The following ROBO2 variants were observed in gnomAD, a reference collection of about 807,000 sequenced individuals.
The protein encoded by ROBO2 is roundabout homolog 2.
A neutral mutation model predicts 160.8 loss-of-function variants in ROBO2; 53 were observed. That is an observed-to-expected ratio of 0.33 (90% CI 0.26 to 0.41). The LOEUF is 0.41. Among genes scored for constraint, ROBO2 ranks in the 10% least tolerant of loss-of-function variants. ROBO2 has a pLI of 1.00. For missense variants in ROBO2, 1,577 were observed against 1,722.4 expected, an observed-to-expected ratio of 0.92 and a Z score of 1.49; for synonymous variants, 664 against 611.7, an observed-to-expected ratio of 1.09 and a Z score of -1.26.
At chr3:77,254,249 G>A (rs2090688579) in intron 2 of ROBO2, among the ~76,000 whole-genome samples, 1 of 152,166 alleles carries the variant, frequency 6.6e-6, no homozygotes, top group Admixed American at 6.5e-5. Flanking sequence ...CTGAGTGACA[G>A]AGACCCTATC....
intron 2 of ROBO2, among the ~76,000 whole-genome samples, chr3:76,085,480 T>A (rs2068980614): frequency 1.3e-5 from 2 of 152,146 alleles, no homozygotes; most frequent in Admixed American, 1.3e-4. Context: ...GGTATTTTTT[T>A]AAATAAAAAA....
At chr3:76,046,022 T>G (rs2067435043) in intron 2 of ROBO2, among the ~76,000 whole-genome samples, 1 of 151,984 alleles carries the variant, frequency 6.6e-6, no homozygotes, top group Non-Finnish European at 1.5e-5. Flanking sequence ...TCACTTTGAC[T>G]GCCAGCACTG....
intron 5 of ROBO2, among the ~76,000 whole-genome samples, chr3:77,519,601 CAT>C (rs1460997520): frequency 2.0e-5 from 3 of 151,380 alleles, no homozygotes; most frequent in Non-Finnish European, 4.4e-5. Context: ...TAAGTGAGAA[CAT>C]GATTTCCTTC....
chr3:77,583,418 A>G (rs1688561593), intron 16 of ROBO2, among the ~76,000 whole-genome samples: 1 of 151,948 alleles, frequency 6.6e-6, no homozygotes, highest in South Asian at 2.1e-4. Context: ...GGGAGTGCAT[A>G]TCCCAATACC....
chr3:77,046,312 A>G (rs890603612), intron 1 of ROBO2, among the ~76,000 whole-genome samples: 5 of 152,208 alleles, frequency 3.3e-5, no homozygotes, highest in African/African-American at 1.2e-4. Flanking sequence ...ACAATTTTAT[A>G]TTATACTAAT....
intron 2 of ROBO2, among the ~76,000 whole-genome samples, chr3:77,254,558 T>G (rs974171900): frequency 6.6e-6 from 1 of 152,186 alleles, no homozygotes; most frequent in Non-Finnish European, 1.5e-5. Flanking sequence ...TACATGATGT[T>G]GAAGTTGAAT....
intron 2 of ROBO2, among the ~76,000 whole-genome samples, chr3:75,962,796 T>C (rs1460706146): frequency 6.6e-6 from 1 of 151,920 alleles, no homozygotes; most frequent in African/African-American, 2.4e-5. Context: ...CGTGTGCTTT[T>C]ATTTAAGCTG....
intron 2 of ROBO2, among the ~76,000 whole-genome samples, chr3:76,695,449 C>G (rs1463004900): frequency 4.6e-5 from 7 of 151,860 alleles, no homozygotes; most frequent in Non-Finnish European, 1.0e-4. Context: ...ATTTTCACTG[C>G]CTCTTGACAA....
chr3:77,502,639 T>C (rs1456799355), intron 5 of ROBO2, among the ~76,000 whole-genome samples: 1 of 152,122 alleles, frequency 6.6e-6, no homozygotes, highest in Non-Finnish European at 1.5e-5. Flanking sequence ...GCCACATCTG[T>C]GGATTTAACC....
At chr3:77,465,618 G>C (rs55824934) in intron 2 of ROBO2, among the ~76,000 whole-genome samples, 5,852 of 152,176 alleles carry the variant, frequency 0.038, 133 homozygotes, top group South Asian at 0.042. Context: ...ACTGAAGAAG[G>C]CTTCTTTCCA....
At chr3:76,949,546 G>A (rs1171308230) in intron 2 of ROBO2, among the ~76,000 whole-genome samples, 2 of 152,152 alleles carry the variant, frequency 1.3e-5, no homozygotes, top group Admixed American at 6.5e-5. Flanking sequence ...GTCCAAGACC[G>A]AAGGGCTTCT....
chr3:76,821,467 C>G (rs1273116453), intron 2 of ROBO2, among the ~76,000 whole-genome samples: 2 of 152,110 alleles, frequency 1.3e-5, no homozygotes, highest in East Asian at 3.9e-4. Context: ...TTTTTAAAAT[C>G]ATACCTATCA....
intron 2 of ROBO2, among the ~76,000 whole-genome samples, chr3:76,469,776 G>A (rs570815494): frequency 6.6e-6 from 1 of 152,048 alleles, no homozygotes; most frequent in African/African-American, 2.4e-5. Context: ...TGCTTCTACT[G>A]GTTTCTTTTT....
intron 2 of ROBO2, among the ~76,000 whole-genome samples, chr3:77,204,855 A>G (rs1211602188): frequency 1.3e-5 from 2 of 152,248 alleles, no homozygotes; most frequent in Non-Finnish European, 2.9e-5. Flanking sequence ...GGAATGGGTC[A>G]AGATTCGTAT....
intron 2 of ROBO2, among the ~76,000 whole-genome samples, chr3:76,306,659 T>G (rs933088507): frequency 1.3e-5 from 2 of 152,194 alleles, no homozygotes; most frequent in African/African-American, 2.4e-5. Context: ...TTCTTTGTAT[T>G]TAATTTGTAA....
At chr3:76,348,072 TCA>T (rs746849803) in intron 2 of ROBO2, among the ~76,000 whole-genome samples, 11 of 150,642 alleles carry the variant, frequency 7.3e-5, no homozygotes, top group Non-Finnish European at 1.3e-4. Context: ...TTCCACAGTC[TCA>T]CACAGTCAGT....
intron 2 of ROBO2, among the ~76,000 whole-genome samples, chr3:77,176,474 C>A (rs1364284078): frequency 1.3e-5 from 2 of 152,004 alleles, no homozygotes; most frequent in Non-Finnish European, 2.9e-5. Flanking sequence ...ATCAGGTGTT[C>A]ACATATGTTT....
chr3:76,102,317 TAG>T (rs1559553740), intron 2 of ROBO2, among the ~76,000 whole-genome samples: 2 of 152,222 alleles, frequency 1.3e-5, no homozygotes, highest in South Asian at 2.1e-4. Context: ...ACTATTTTAT[TAG>T]TTTCTTTTTA....
At chr3:76,478,661 A>G (rs1038662560) in intron 2 of ROBO2, among the ~76,000 whole-genome samples, 2 of 151,022 alleles carry the variant, frequency 1.3e-5, no homozygotes, top group Non-Finnish European at 2.9e-5. Flanking sequence ...TTTATCCAAC[A>G]TCACACACTT....
Sources: allele counts gnomAD v4.1 joint callset (sites outside exome capture counted in the v4.1 genomes callset), GRCh38; gene constraint gnomAD v4.1.1; transcripts MANE v1.5; gene names NCBI Gene and HGNC (gene_info 2026-07-23, HGNC 2026-07-21).